The following INSC variants were observed in gnomAD, a reference collection of about 807,000 sequenced individuals.
The protein encoded by INSC is INSC spindle orientation adaptor protein.
A neutral mutation model predicts 58.6 loss-of-function variants in INSC; 67 were observed. The observed-to-expected ratio is 1.14, with a 90% CI of 0.94 to 1.40. The LOEUF (loss-of-function observed/expected upper bound fraction) is 1.40. INSC is among the 40% of genes most tolerant of loss of function. The probability of loss-of-function intolerance (pLI) is 0.00; values close to 1 mark genes in which losing one functional copy is unlikely to be tolerated. For synonymous variants in INSC, 262 were observed against 276.1 expected, an observed-to-expected ratio of 0.95 and a Z score of 0.51; for missense variants, 714 against 692.0, an observed-to-expected ratio of 1.03 and a Z score of -0.36.
intron 1 of INSC, among the ~76,000 whole-genome samples, chr11:15,116,838 T>C (rs1346602615): frequency 2.1e-5 from 1 of 47,806 alleles, no homozygotes; most frequent in African/African-American, 1.3e-4. Context: ...TCTTTCTTTC[T>C]TTCTTTCTTT....
intron 1 of INSC, among the ~76,000 whole-genome samples, chr11:15,120,830 C>T (rs1847854022): frequency 1.3e-5 from 2 of 152,106 alleles, no homozygotes; most frequent in Admixed American, 1.3e-4. Flanking sequence ...TTTTATGTCA[C>T]TCTAAATTTT....
intron 1 of INSC, among the ~76,000 whole-genome samples, chr11:15,131,852 T>C (rs1848132349): frequency 6.6e-6 from 1 of 152,168 alleles, no homozygotes; most frequent in Non-Finnish European, 1.5e-5. Context: ...GGATATGTCT[T>C]GTAGCTAGCA....
chr11:15,210,589 T>G (rs1589973747), intron 7 of INSC, among the ~76,000 whole-genome samples: 1 of 151,606 alleles, frequency 6.6e-6, no homozygotes, highest in Middle Eastern at 3.4e-3. Flanking sequence ...AAAGTTGTTG[T>G]GTATCTCCTA....
chr11:15,180,287 A>G (rs1229217015), intron 5 of INSC, among the ~76,000 whole-genome samples: 1 of 151,812 alleles, frequency 6.6e-6, no homozygotes, highest in Non-Finnish European at 1.5e-5. Context: ...AAACAAACAA[A>G]CAAACAAACA....
intron 8 of INSC, 64 bp from the exon 9 acceptor site, chr11:15,225,586 A>T: frequency 6.6e-7 from 1 of 1,509,340 alleles, no homozygotes; most frequent in Non-Finnish European, 9.0e-7. Flanking sequence ...TGTGTGAACC[A>T]AATGAGACAA....
intron 2 of INSC, among the ~76,000 whole-genome samples, chr11:15,173,213 G>T (rs1714381): frequency 0.52 from 78,386 of 151,844 alleles, 21,093 homozygotes; most frequent in East Asian, 0.94. Context: ...TTCTGCTGGA[G>T]GACTTGAAAG....
Position 15,178,332 on chromosome 11 carries a change from A to G in INSC, c.464A>G (p.Gln155Arg). ...ELSAVTERCL[Q>R]VENEHVLKSM... ...TGGTTTCTTCTCTTCAGGTGCCTTCAGGTTGAGAATGAGCATGTCCTGAAG... is the reference window on the plus strand; with the variant it reads ...TGGTTTCTTCTCTTCAGGTGCCTTCGGGTTGAGAATGAGCATGTCCTGAAG... The change falls in exon 5 of 13, where the codon CAG becomes CGG. Residue 155 changes from glutamine (Q) to arginine (R), a missense_variant. Transcript: ENST00000379556. 1.9e-6 allele frequency: 3 copies of G among 1,613,908 alleles called. No individual in the cohort carries two copies. Among genetic ancestry groups the G allele is most frequent in the Non-Finnish European group, 2.5e-6 (3 of 1,180,010 alleles).
chr11:15,183,655 T>C (rs1300457674), intron 5 of INSC, among the ~76,000 whole-genome samples: 3 of 152,210 alleles, frequency 2.0e-5, no homozygotes, highest in Non-Finnish European at 2.9e-5. Context: ...TCCTTTCAGC[T>C]ATTTTTCACA....
At chr11:15,121,344 A>T (rs1371547569) in intron 1 of INSC, among the ~76,000 whole-genome samples, 1 of 152,136 alleles carries the variant, frequency 6.6e-6, no homozygotes, top group African/African-American at 2.4e-5. Context: ...TTTGAATAGC[A>T]CAGGTCAGTT....
At chr11:15,114,309 A>T (rs1847639805), upstream of INSC, among the ~76,000 whole-genome samples, 1 of 151,954 alleles carries the variant, frequency 6.6e-6, no homozygotes, top group Non-Finnish European at 1.5e-5. Flanking sequence ...AGTTTCTGCA[A>T]CAACCCCTCG....
chr11:15,127,112 C>A (rs983459218), intron 1 of INSC, among the ~76,000 whole-genome samples: 2 of 152,154 alleles, frequency 1.3e-5, no homozygotes, highest in Non-Finnish European at 1.5e-5. Flanking sequence ...GAGGAAAAAG[C>A]CCCTGCCCAG....
At chr11:15,182,534 G>T (rs1218678995) in intron 5 of INSC, among the ~76,000 whole-genome samples, 1 of 152,120 alleles carries the variant, frequency 6.6e-6, no homozygotes, top group Non-Finnish European at 1.5e-5. Flanking sequence ...TGCAAAGTCA[G>T]GCATTTGCAA....
chr11:15,229,965 TATATATATATATATTATATA>T (rs1851807001), intron 9 of INSC, among the ~76,000 whole-genome samples: 1 of 24,504 alleles, frequency 4.1e-5, no homozygotes, highest in Non-Finnish European at 6.3e-5. Flanking sequence ...TATATTTATA[TATATATATATATATTATATA>T]TATATATATA....
chr11:15,249,451 G>A (rs1161153420), downstream of INSC, among the ~76,000 whole-genome samples: 1 of 152,204 alleles, frequency 6.6e-6, no homozygotes, highest in Non-Finnish European at 1.5e-5. Context: ...AACCAGGAAG[G>A]ATGGAGTAGG....
chr11:15,150,158 C>A (rs184634192), intron 2 of INSC, among the ~76,000 whole-genome samples: 1 of 152,276 alleles, frequency 6.6e-6, no homozygotes, highest in African/African-American at 2.4e-5. Flanking sequence ...CTAGCCAGAA[C>A]ACTGAGGGAA....
chr11:15,162,303 T>C (rs1849046154), intron 2 of INSC, among the ~76,000 whole-genome samples: 1 of 152,196 alleles, frequency 6.6e-6, no homozygotes. Flanking sequence ...ATCTCCATAC[T>C]GTGTCTCAAA....
intron 2 of INSC, among the ~76,000 whole-genome samples, chr11:15,169,243 A>G (rs1044526628): frequency 5.9e-5 from 9 of 152,166 alleles, no homozygotes; most frequent in Admixed American, 2.0e-4. Flanking sequence ...CACGAGGCTC[A>G]CCTGGGATTC....
intron 5 of INSC, 132 bp from the exon 6 acceptor site, chr11:15,190,569 G>C: frequency 1.4e-6 from 1 of 713,986 alleles, no homozygotes; most frequent in Admixed American, 1.9e-5. Context: ...CACTCACAAT[G>C]AGGCAGTAGC....
At chr11:15,262,902 A>C in the INSC span, among the ~76,000 whole-genome samples, 1 of 152,110 alleles carries the variant, frequency 6.6e-6, no homozygotes, top group Non-Finnish European at 1.5e-5. Context: ...CTAGACCTAC[A>C]CTGAATATAG....
Sources: gnomAD v4.1 joint callset for allele counts (sites outside exome capture counted in the v4.1 genomes callset) on GRCh38, gnomAD v4.1.1 for gene constraint, MANE v1.5 for transcripts, NCBI Gene and HGNC (gene_info 2026-07-23, HGNC 2026-07-21) for gene names.